Variants in LAPTM4B observed in about 807,000 individuals in gnomAD.
LAPTM4B encodes lysosomal-associated transmembrane protein 4B.
A neutral mutation model predicts 28.5 loss-of-function variants in LAPTM4B; 26 were observed. The ratio of observed to expected loss-of-function variants is 0.91; its 90% confidence interval spans 0.67 to 1.27. LAPTM4B has a LOEUF of 1.27. Among genes scored for constraint, LAPTM4B ranks in the 50% most tolerant of loss-of-function variants. The pLI is 0.00. For synonymous variants in LAPTM4B, 109 were observed against 106.4 expected (o/e 1.02, Z -0.15); for missense variants, 288 against 285.8 (o/e 1.01, Z -0.06).
chr8:97,848,190 A>T (rs1817461133), intron 6 of LAPTM4B, among the ~76,000 whole-genome samples: 10 of 152,202 alleles, frequency 6.6e-5, no homozygotes, highest in Admixed American at 6.5e-4. Flanking sequence ...TGAACCCAGG[A>T]GGTGGAGGTT....
At chr8:97,838,953 C>G (rs1266856292) in intron 6 of LAPTM4B, among the ~76,000 whole-genome samples, 1 of 152,160 alleles carries the variant, frequency 6.6e-6, no homozygotes, top group Non-Finnish European at 1.5e-5. Context: ...AGTCCTGCTT[C>G]CCATACCCCA....
In LAPTM4B at chr8:97,775,948, A is replaced by AGGCGAGGCGGGCTCCT; in HGVS notation, c.-52_-51insGCTCCTGGCGAGGCGG. On this transcript the variant is annotated 5_prime_UTR_variant, in exon 1 of 7. Transcript: ENST00000521545. ...CGGCAGCAGCGGCGCGGCGGGCTCC[A>AGGCGAGGCGGGCTCCT]GGCGAGGCGGTCGACGCTCCTGAAA... is the stretch of plus-strand genomic sequence containing the variant. 6.7e-7 allele frequency: 1 copy of AGGCGAGGCGGGCTCCT among 1,498,986 alleles called. No individual in the cohort carries two copies. The highest frequency in any genetic ancestry group is 1.3e-5 in the South Asian group (1 of 77,894). The allele number at this position is 1,498,986 out of a possible 1,614,324, so 92.9% of individuals were successfully genotyped here. A position where few individuals can be genotyped will look rare whatever the true frequency, so the allele number is the denominator to read the frequency against.
chr8:97,788,832 C>T (rs1160587659), intron 1 of LAPTM4B, among the ~76,000 whole-genome samples: 1 of 150,640 alleles, frequency 6.6e-6, no homozygotes, highest in Non-Finnish European at 1.5e-5. Context: ...GTAGCTGAGA[C>T]TACGGGTGTC....
intron 6 of LAPTM4B, among the ~76,000 whole-genome samples, chr8:97,827,362 C>T (rs1364800893): frequency 6.6e-6 from 1 of 152,160 alleles, no homozygotes; most frequent in Non-Finnish European, 1.5e-5. Flanking sequence ...GCTGAAGCTT[C>T]CTTAGGGATA....
intron 6 of LAPTM4B, among the ~76,000 whole-genome samples, chr8:97,834,062 A>AC (rs1312440297): frequency 6.6e-6 from 1 of 151,232 alleles, no homozygotes; most frequent in Non-Finnish European, 1.5e-5. Context: ...TCACGCCTGT[A>AC]ATTCTAGTGC....
At chr8:97,829,449 T>A (rs1817145460) in intron 6 of LAPTM4B, among the ~76,000 whole-genome samples, 2 of 152,074 alleles carry the variant, frequency 1.3e-5, no homozygotes, top group South Asian at 4.2e-4. Context: ...GTTGGGGCTT[T>A]GGAGGTGAAG....
At chr8:97,839,145 G>A (rs1044967565) in intron 6 of LAPTM4B, among the ~76,000 whole-genome samples, 2 of 152,048 alleles carry the variant, frequency 1.3e-5, no homozygotes, top group Non-Finnish European at 1.5e-5. Flanking sequence ...CATTAACTCG[G>A]CTCCTATTTC....
intron 1 of LAPTM4B, among the ~76,000 whole-genome samples, chr8:97,787,706 T>C (rs1816426042): frequency 6.6e-6 from 1 of 152,230 alleles, no homozygotes; most frequent in Non-Finnish European, 1.5e-5. Flanking sequence ...TAGTGTCCTT[T>C]TCTAAGTTCC....
intron 6 of LAPTM4B, among the ~76,000 whole-genome samples, chr8:97,845,133 G>A (rs551381608): frequency 6.6e-6 from 1 of 152,212 alleles, no homozygotes; most frequent in African/African-American, 2.4e-5. Flanking sequence ...CTTTTGAATA[G>A]GATGTAACTC....
intron 5 of LAPTM4B, among the ~76,000 whole-genome samples, chr8:97,823,356 GTTTTTTTT>G (rs72472850): frequency 7.6e-6 from 1 of 131,108 alleles, no homozygotes; most frequent in South Asian, 2.4e-4. Flanking sequence ...TTTTTTTTTT[GTTTTTTTT>G]TTGTTGTTGT....
In LAPTM4B at chr8:97,812,926, A is replaced by C. The variant is rs62524084; in HGVS notation, c.212-2402A>C. 3.9e-5 allele frequency among the ~76,000 whole-genome samples: 6 copies of C among 152,156 alleles called. No individual in the cohort carries two copies. In the East Asian group the frequency reaches 1.2e-3, roughly 29 times the overall value. The stretch of plus-strand genomic sequence containing the variant: ...AGCCAGCTGGTAGAGCCACTCCCCT[A>C]CTTACCTTGATGTTCCACCTAACCA... On this transcript the variant is annotated intron_variant, in intron 2 of 6. Transcript: ENST00000521545.
intron 1 of LAPTM4B, among the ~76,000 whole-genome samples, chr8:97,791,606 T>C (rs1816500443): frequency 6.6e-6 from 1 of 152,158 alleles, no homozygotes; most frequent in Non-Finnish European, 1.5e-5. Context: ...GAGCACTCCC[T>C]TGAAAGGAAT....
chr8:97,803,232 A>T (rs552514376), intron 1 of LAPTM4B, among the ~76,000 whole-genome samples: 1 of 151,854 alleles, frequency 6.6e-6, no homozygotes, highest in Admixed American at 6.6e-5. Flanking sequence ...TTCGAATCCT[A>T]CAATAATCCT....
chr8:97,805,486 A>G (rs372742858), intron 2 of LAPTM4B, 22 bp downstream of exon 2: 10 of 1,307,952 alleles, frequency 7.6e-6, no homozygotes, highest in Non-Finnish European at 9.9e-6. Context: ...ATATTTGGGT[A>G]TTTTCAAGGG....
chr8:97,836,813 T>A (rs774162526), intron 6 of LAPTM4B, among the ~76,000 whole-genome samples: 1 of 152,132 alleles, frequency 6.6e-6, no homozygotes, highest in Non-Finnish European at 1.5e-5. Flanking sequence ...ATATGCAAAC[T>A]TATTGTTTTA....
intron 6 of LAPTM4B, among the ~76,000 whole-genome samples, chr8:97,847,318 G>A (rs185777054): frequency 3.3e-5 from 5 of 152,226 alleles, no homozygotes; most frequent in Admixed American, 2.6e-4. Flanking sequence ...CTGTGGTTGC[G>A]GTTTTAAACT....
chr8:97,802,496 C>T (rs1240812355), intron 1 of LAPTM4B, among the ~76,000 whole-genome samples: 4 of 152,116 alleles, frequency 2.6e-5, no homozygotes, highest in Admixed American at 2.0e-4. Flanking sequence ...ACAGCCAGAG[C>T]TCACTTTTGT....
chr8:97,822,233 C>T (rs13271145), intron 5 of LAPTM4B, among the ~76,000 whole-genome samples: 15 of 143,610 alleles, frequency 1.0e-4, no homozygotes, highest in Admixed American at 6.0e-4. Context: ...CATTGTAGTT[C>T]GTCTTTGAAG....
At chr8:97,797,138 C>CTTT (rs34761391) in intron 1 of LAPTM4B, among the ~76,000 whole-genome samples, 7 of 146,538 alleles carry the variant, frequency 4.8e-5, no homozygotes, top group African/African-American at 1.3e-4. Context: ...GGAATTACAA[C>CTTT]TTTTTTTTTT....
Sources: allele counts gnomAD v4.1 joint callset (sites outside exome capture counted in the v4.1 genomes callset), GRCh38; gene constraint gnomAD v4.1.1; transcripts MANE v1.5; gene names NCBI Gene and HGNC (gene_info 2026-07-23, HGNC 2026-07-21).